RPL14: variants seen among roughly 807,000 people sequenced by gnomAD.
The protein encoded by RPL14 is ribosomal protein L14.
In RPL14, 4 loss-of-function variants were observed where a neutral mutation model predicts 25.3. That is an observed-to-expected ratio of 0.16 (90% CI 0.08 to 0.36). The LOEUF is 0.36. Ranked by LOEUF, RPL14 falls within the 10% of genes least tolerant of loss-of-function variation. RPL14 has a pLI of 1.00. For missense variants in RPL14, 212 were observed against 261.9 expected (o/e 0.81, Z 1.31); for synonymous variants, 75 against 89.8 (o/e 0.84, Z 0.93).
At chr3:40,458,576 A>C in intron 2 of RPL14, 66 bp from the exon 3 acceptor site, 2 of 1,241,872 alleles carry the variant, frequency 1.6e-6, no homozygotes, top group Admixed American at 3.5e-5. Context: ...GTAATGTTAC[A>C]GAACCATCTG....
intron 3 of RPL14, among the ~76,000 whole-genome samples, chr3:40,460,111 C>A (rs1211767665): frequency 6.6e-6 from 1 of 152,122 alleles, no homozygotes; most frequent in African/African-American, 2.4e-5. Context: ...TCTTGTAATT[C>A]TGCCTTGGAT....
At chr3:40,457,547 C>T (rs1230952329) in intron 1 of RPL14, 73 bp downstream of exon 1, 7 of 1,302,220 alleles carry the variant, frequency 5.4e-6, no homozygotes, top group Admixed American at 2.0e-5. Flanking sequence ...GGACTCGCCG[C>T]TGGCGAGCGC....
rs1194714552 is a variant in RPL14, at chr3:40,466,466, TTCA to T, written c.*4235_*4237del. 7.0e-6 allele frequency: 1 copy of T among 143,868 alleles called. No homozygotes were observed. The highest frequency in any genetic ancestry group is 1.5e-5 in the Non-Finnish European group (1 of 66,792). The allele number at this position is 143,868 out of a possible 1,614,324, so 8.9% of individuals were successfully genotyped here. On this transcript the variant is annotated 3_prime_UTR_variant, in exon 6 of 6. Coordinates refer to ENST00000396203, the MANE Select transcript of RPL14 (RefSeq NM_001034996.3). ...GAGGCTGAGGCAGGTGAATCAGGGG[TTCA>T]AGACCAGCCTGGCCAATGTGGTGAA...
rs1337171637 is a variant in RPL14 at position 40,468,431 on chromosome 3, T to G, written c.*6199T>G. On this transcript the variant is annotated 3_prime_UTR_variant, in exon 6 of 6. Coordinates refer to ENST00000396203, the MANE Select transcript of RPL14 (RefSeq NM_001034996.3). The stretch of plus-strand genomic sequence containing the variant: ...AGTAGTATCTTACTTTAACTTGTAT[T>G]TTCCTGGTCCAATAGTGCACTAAAT... The G allele has an allele frequency of 6.6e-6, 1 of 152,216 alleles. No individual in the cohort carries two copies. Among genetic ancestry groups the G allele is most frequent in the East Asian group, 1.9e-4 (1 of 5,200 alleles). 9.4% of individuals were successfully genotyped at this position (152,216 alleles called of 1,614,324 possible).
chr3:40,461,368 A>G, intron 3 of RPL14, 39 bp from the exon 4 acceptor site: 1 of 1,567,888 alleles, frequency 6.4e-7, no homozygotes, highest in Non-Finnish European at 8.8e-7. Context: ...GAGTGACTTC[A>G]AAGCTGATTT....
chr3:40,458,824 T>C (rs1250688116), intron 3 of RPL14, 88 bp downstream of exon 3: 4 of 965,908 alleles, frequency 4.1e-6, no homozygotes, highest in Non-Finnish European at 4.9e-6. Flanking sequence ...ATACGGAAGA[T>C]TCAGAGCCAT....
chr3:40,459,847 A>G (rs985227011), intron 3 of RPL14, among the ~76,000 whole-genome samples: 1 of 113,400 alleles, frequency 8.8e-6, no homozygotes, highest in Non-Finnish European at 1.6e-5. Flanking sequence ...TGACAGAGCG[A>G]GACTCCGTTT....
intron 2 of RPL14, chr3:40,458,434 A>G (rs1696878258): frequency 3.4e-6 from 2 of 583,132 alleles, no homozygotes; most frequent in Admixed American, 3.1e-5. Context: ...AAGAAGGAGC[A>G]TTTAATGATG....
chr3:40,462,324 A>G lies in RPL14; in HGVS notation c.*92A>G. The G allele has an allele frequency of 1.6e-6, 2 of 1,221,176 alleles. No individual in the cohort carries two copies. Among genetic ancestry groups the G allele is most frequent in the Non-Finnish European group, 2.2e-6 (2 of 894,198 alleles). 75.6% of individuals were successfully genotyped at this position (1,221,176 alleles called of 1,614,324 possible). A position where few individuals can be genotyped will look rare whatever the true frequency, so the allele number is the denominator to read the frequency against. Reference sequence around the variant, plus strand: ...TTTAAAGCCTGTTGAGGCTGGAGTTAGGAGGCAGATTGATAGTAGGATTAT... The same window carrying G: ...TTTAAAGCCTGTTGAGGCTGGAGTTGGGAGGCAGATTGATAGTAGGATTAT... On this transcript the variant is annotated 3_prime_UTR_variant, in exon 6 of 6. Coordinates refer to ENST00000396203, the MANE Select transcript of RPL14 (RefSeq NM_001034996.3).
At chr3:40,458,161 C>G in intron 2 of RPL14, 170 bp downstream of exon 2, 1 of 621,448 alleles carries the variant, frequency 1.6e-6, no homozygotes, top group Admixed American at 2.9e-5. Context: ...CTGAAGTTAG[C>G]TATTAGTATT....
At chr3:40,459,621 C>T (rs957468603) in intron 3 of RPL14, among the ~76,000 whole-genome samples, 23 of 151,906 alleles carry the variant, frequency 1.5e-4, no homozygotes, top group African/African-American at 4.8e-4. Context: ...TTTGGAAGGC[C>T]GAGGCGGGTG....
At chr3:40,459,852 C>A (rs559578669) in intron 3 of RPL14, among the ~76,000 whole-genome samples, 2 of 52,642 alleles carry the variant, frequency 3.8e-5, no homozygotes, top group Admixed American at 5.8e-4. Flanking sequence ...GAGCGAGACT[C>A]CGTTTCAAAA....
chr3:40,458,974 A>C, intron 3 of RPL14: 1 of 449,388 alleles, frequency 2.2e-6, no homozygotes, highest in East Asian at 4.1e-5. Flanking sequence ...CCAAGTTTCA[A>C]GACCAGCATG....
chr3:40,465,165 C>G lies in RPL14; in HGVS notation c.*2933C>G, dbSNP rs1405227971. 2 of 151,820 alleles carry G rather than the reference C, an allele frequency of 1.3e-5. No individual in the cohort carries two copies. The highest frequency in any genetic ancestry group is 2.9e-5 in the Non-Finnish European group (2 of 68,004). The allele number at this position is 151,820 out of a possible 1,614,324, so 9.4% of individuals were successfully genotyped here. A position where few individuals can be genotyped will look rare whatever the true frequency, so the allele number is the denominator to read the frequency against. On this transcript the variant is annotated 3_prime_UTR_variant, in exon 6 of 6. Coordinates refer to ENST00000396203, the MANE Select transcript of RPL14 (RefSeq NM_001034996.3). ...TCCCCAGGGGTAGGATGACAACAAT[C>G]AAGAGACGAATAGAGGTTGGAAAGG... is the stretch of plus-strand genomic sequence containing the variant.
At chr3:40,461,269 A>G (rs1696932712) in intron 3 of RPL14, 138 bp from the exon 4 acceptor site, 2 of 671,592 alleles carry the variant, frequency 3.0e-6, no homozygotes, top group Non-Finnish European at 2.6e-6. Flanking sequence ...GGCTTACTGA[A>G]CACAAAAATA....
At position 40,466,265 on chromosome 3, in the gene RPL14, A is replaced by T. The variant is rs554742923; in HGVS notation, c.*4033A>T. ...AGCATAGTGTGGATTGGGTTGGGGG[A>T]TGGGGAAGGAGAGCAGAAAATTATT... is the stretch of plus-strand genomic sequence containing the variant. On this transcript the variant is annotated 3_prime_UTR_variant, in exon 6 of 6. Transcript: ENST00000396203. 1 of 152,152 alleles carries T rather than the reference A, an allele frequency of 6.6e-6. No homozygotes were observed. The highest frequency in any genetic ancestry group is 1.5e-5 in the Non-Finnish European group (1 of 68,038). 9.4% of individuals were successfully genotyped at this position (152,152 alleles called of 1,614,324 possible). A position where few individuals can be genotyped will look rare whatever the true frequency, so the allele number is the denominator to read the frequency against.
At position 40,460,280 on chromosome 3, in the gene RPL14, C is replaced by G. The variant is rs564874067; in HGVS notation, c.201-1127C>G. ...CAGTGGCTCATACCTGTAATCTCAG[C>G]ACTCTGGGAGGCCAAGGCAGGTAGA... On this transcript the variant is annotated intron_variant, in intron 3 of 5. Coordinates refer to ENST00000396203, the MANE Select transcript of RPL14 (RefSeq NM_001034996.3). Among the ~76,000 whole-genome samples the G allele has an allele frequency of 8.5e-5, 13 of 152,134 alleles. No homozygotes were observed. In the East Asian group the frequency reaches 1.9e-3, roughly 23 times the overall value.
rs1334219024 is a variant in RPL14, at chr3:40,462,578, G to A, written c.*346G>A. The A allele has an allele frequency of 6.1e-5, 11 of 180,942 alleles. No homozygotes were observed. The highest frequency in any genetic ancestry group is 2.2e-4 in the Admixed American group (4 of 17,882). 11.2% of individuals were successfully genotyped at this position (180,942 alleles called of 1,614,324 possible). A position where few individuals can be genotyped will look rare whatever the true frequency, so the allele number is the denominator to read the frequency against. On this transcript the variant is annotated 3_prime_UTR_variant, in exon 6 of 6. Transcript: ENST00000396203. ...TTTTTAGTAGAGACGGGGTTTCACC[G>A]TGTTAGCCAGGATGGTCTCGCTCTC...
Position 40,462,055 on chromosome 3 carries a change from TGCTGC to T in RPL14, c.472_476del (p.Ala158Ter). 6.2e-7 allele frequency: 1 copy of T among 1,610,238 alleles called. No individual in the cohort carries two copies. The highest frequency in any genetic ancestry group is 1.4e-5 in the African/African-American group (1 of 73,522). On this transcript the variant is annotated frameshift_variant, in exon 6 of 6. Coordinates refer to ENST00000396203, the MANE Select transcript of RPL14 (RefSeq NM_001034996.3). LOFTEE classifies it high-confidence loss of function. ...CTGCTGCTGCTGCTGCTGCTGCTGC[TGCTGC>T]TAAAGTTCCAGCAAAAAAGATCACC...
Sources: allele counts gnomAD v4.1 joint callset (sites outside exome capture counted in the v4.1 genomes callset), GRCh38; gene constraint gnomAD v4.1.1; transcripts MANE v1.5; gene names NCBI Gene and HGNC (gene_info 2026-07-23, HGNC 2026-07-21).